The following SLC38A11 variants were observed in gnomAD, a reference collection of about 807,000 sequenced individuals.
The protein encoded by SLC38A11 is solute carrier family 38 member 11.
SLC38A11 carries 51 observed loss-of-function variants against 49.4 expected under a neutral mutation model. The observed-to-expected ratio is 1.03, with a 90% CI of 0.83 to 1.30. The LOEUF (loss-of-function observed/expected upper bound fraction) is 1.30, where lower values mean the gene tolerates loss of function less well. Among genes scored for constraint, SLC38A11 ranks in the 50% most tolerant of loss-of-function variants. The pLI is 0.00. For synonymous variants in SLC38A11, 203 were observed against 192.9 expected (o/e 1.05, Z -0.43); for missense variants, 574 against 556.2 (o/e 1.03, Z -0.32).
intron 2 of SLC38A11, 61 bp from the exon 3 acceptor site, chr2:164,952,842 T>C: frequency 7.9e-7 from 1 of 1,269,656 alleles, no homozygotes; most frequent in Non-Finnish European, 1.1e-6. Flanking sequence ...ACACAGAAAT[T>C]CCCCCCTTCA....
chr2:164,942,759 G>A lies in SLC38A11; in HGVS notation c.430+1810C>T, dbSNP rs540906173. On this transcript the variant is annotated intron_variant, in intron 5 of 11. Coordinates refer to ENST00000685975, the MANE Select transcript of SLC38A11 (RefSeq NM_001351537.2). The stretch of plus-strand genomic sequence containing the variant: ...GGCACAGAAGCTACAGACAGTTCGG[G>A]GTAACAATAATAATAGCTAATAGTA... Among the ~76,000 whole-genome samples, 8 of 152,230 alleles carry A rather than the reference G, an allele frequency of 5.3e-5. No homozygotes were observed. The East Asian group carries it at 1.4e-3, about 26-fold the overall frequency.
Position 164,898,715 on chromosome 2 carries a change from T to G in SLC38A11, c.1111A>C (p.Thr371Pro). 6.2e-7 allele frequency: 1 copy of G among 1,612,738 alleles called. No homozygotes were observed. Among genetic ancestry groups the G allele is most frequent in the Non-Finnish European group, 8.5e-7 (1 of 1,179,362 alleles). The change falls in exon 12 of 12, where the codon ACT (threonine) becomes CCT (proline). Residue 371 changes from threonine to proline, a missense_variant. Transcript: ENST00000685975. ...GATGGAATGATAAAAATGAGGGGAG[T>G]TGCACAGAGCACACCCTGCATGTTG... is the stretch of plus-strand genomic sequence containing the variant. ...VLELNGVLCA[T>P]PLIFIIPSAC...
chr2:164,951,391 A>G (rs1298013494), intron 3 of SLC38A11, among the ~76,000 whole-genome samples: 2 of 152,112 alleles, frequency 1.3e-5, no homozygotes, highest in Non-Finnish European at 2.9e-5. Context: ...AAATGCCCCA[A>G]TAAGTAGACT....
chr2:164,906,203 T>C (rs1394592211), intron 11 of SLC38A11, among the ~76,000 whole-genome samples: 2 of 152,148 alleles, frequency 1.3e-5, no homozygotes, highest in Non-Finnish European at 2.9e-5. Flanking sequence ...ACAAACAAAT[T>C]TGTGGACTCA....
intron 7 of SLC38A11, among the ~76,000 whole-genome samples, chr2:164,920,791 A>G (rs922512495): frequency 6.6e-6 from 1 of 152,178 alleles, no homozygotes; most frequent in Non-Finnish European, 1.5e-5. Context: ...AAAAGGAGGT[A>G]AAAGGAAGTC....
chr2:164,946,254 C>G (rs947368636), intron 3 of SLC38A11, among the ~76,000 whole-genome samples: 1 of 151,740 alleles, frequency 6.6e-6, no homozygotes, highest in African/African-American at 2.4e-5. Flanking sequence ...AAGAGACACT[C>G]TATGAAATTT....
Position 164,919,853 on chromosome 2 carries a change from G to A in SLC38A11, c.618-3880C>T, listed in dbSNP as rs373545432. Among the ~76,000 whole-genome samples the A allele has an allele frequency of 3.9e-5, 6 of 152,138 alleles. No individual in the cohort carries two copies. In the East Asian group the frequency reaches 7.7e-4, roughly 20 times the overall value. ...ACATGCAGAAGCTGTGAATACAGAG[G>A]GCCATGATCAAGAAATAGTATACAG... is the stretch of plus-strand genomic sequence containing the variant. On this transcript the variant is annotated intron_variant, in intron 7 of 11. Coordinates refer to ENST00000685975, the MANE Select transcript of SLC38A11 (RefSeq NM_001351537.2).
Position 164,954,677 on chromosome 2 carries a change from A to C in SLC38A11, c.108T>G (p.Ala36=). ...TCGAGTTGACAACATTAAAAAGAGC[A>C]GCAGACTGACAGGTTTTCTCTTTAT... The part of the protein sequence containing the change: ...HEYKEKTCQS[A]ALFNVVNSII... Residue 36 remains alanine, a synonymous_variant, in exon 2 of 12, where the codon GCT becomes GCG. Transcript: ENST00000685975. The C allele has an allele frequency of 6.5e-7, 1 of 1,544,162 alleles. No homozygotes were observed. Among genetic ancestry groups the C allele is most frequent in the East Asian group, 2.5e-5 (1 of 40,790 alleles).
chr2:164,947,603 G>A (rs1688225319), intron 3 of SLC38A11, among the ~76,000 whole-genome samples: 2 of 152,008 alleles, frequency 1.3e-5, no homozygotes, highest in South Asian at 4.1e-4. Context: ...AGATCTCATA[G>A]GCATCTTAAT....
chr2:164,954,890 G>T (rs1688747762), intron 1 of SLC38A11, 145 bp from the exon 2 acceptor site: 1 of 571,066 alleles, frequency 1.8e-6, no homozygotes, highest in East Asian at 2.8e-5. Context: ...CGGGATAACA[G>T]TAATAAAGAA....
intron 3 of SLC38A11, 118 bp from the exon 4 acceptor site, chr2:164,945,845 G>T: frequency 5.7e-6 from 6 of 1,044,160 alleles, no homozygotes; most frequent in Non-Finnish European, 8.4e-6. Context: ...ATTTAATGCT[G>T]CAGTATTAGC....
chr2:164,903,170 T>G (rs1684771643), intron 11 of SLC38A11, among the ~76,000 whole-genome samples: 2 of 137,338 alleles, frequency 1.5e-5, no homozygotes, highest in Admixed American at 1.6e-4. Context: ...CAACAAACAG[T>G]AATTCAAATA....
chr2:164,923,200 C>CAACAAA lies in SLC38A11; in HGVS notation c.618-7233_618-7228dup, dbSNP rs564466112. ...ATGGCTAAGGCCTCAAAAGCAATCA[C>CAACAAA]AACAAAAACAAAGACTGACAAGTGG... On this transcript the variant is annotated intron_variant, in intron 7 of 11. Coordinates refer to ENST00000685975, the MANE Select transcript of SLC38A11 (RefSeq NM_001351537.2). Among the ~76,000 whole-genome samples the CAACAAA allele has an allele frequency of 1.7e-3, 254 of 152,262 alleles. 3 individuals carry two copies. Among genetic ancestry groups the CAACAAA allele is most frequent in the African/African-American group, 5.7e-3 (238 of 41,554 alleles).
At chr2:164,908,580 T>C (rs1685179477) in intron 11 of SLC38A11, 60 bp downstream of exon 11, 2 of 1,400,164 alleles carry the variant, frequency 1.4e-6, no homozygotes, top group East Asian at 5.1e-5. Flanking sequence ...ATGTTAAATG[T>C]AATCATTATC....
chr2:164,914,295 GACTACTAC>G (rs1481876513), intron 9 of SLC38A11, among the ~76,000 whole-genome samples: 1 of 135,622 alleles, frequency 7.4e-6, no homozygotes, highest in East Asian at 1.9e-4. Context: ...GGACTGCCCT[GACTACTAC>G]ACTACACTGA....
intron 10 of SLC38A11, among the ~76,000 whole-genome samples, chr2:164,910,533 G>A (rs1685329056): frequency 6.6e-6 from 1 of 152,126 alleles, no homozygotes; most frequent in African/African-American, 2.4e-5. Flanking sequence ...ACATGTGTGA[G>A]GGAGAGAAGT....
intron 7 of SLC38A11, among the ~76,000 whole-genome samples, chr2:164,921,119 C>A (rs549681259): frequency 1.3e-5 from 2 of 152,044 alleles, no homozygotes; most frequent in Non-Finnish European, 2.9e-5. Context: ...CTTGAGAGAG[C>A]TAAATCTTCA....
In SLC38A11 at chr2:164,915,134, C is replaced by T. The variant is rs1685682985; in HGVS notation, c.828G>A (p.Leu276=). 2.5e-6 allele frequency: 4 copies of T among 1,608,196 alleles called. No individual in the cohort carries two copies. Among genetic ancestry groups the T allele is most frequent in the Non-Finnish European group, 3.4e-6 (4 of 1,177,676 alleles). ...ICIFFATCGY[L]TFTGFTQGDL... is the part of the protein sequence containing the mutation. ...TACCTTGGGTGAAGCCAGTAAATGT[C>T]AAGTATCCACATGTAGCAAAGAATA... The change falls in exon 9 of 12, where the codon TTG becomes TTA. Residue 276 remains leucine, a synonymous_variant. Transcript: ENST00000685975.
chr2:164,898,286 C>T lies in SLC38A11; in HGVS notation c.*151G>A. On this transcript the variant is annotated 3_prime_UTR_variant, in exon 12 of 12. Coordinates refer to ENST00000685975, the MANE Select transcript of SLC38A11 (RefSeq NM_001351537.2). The stretch of plus-strand genomic sequence containing the variant: ...GTGAAATACATTCAATTTTTCTTTT[C>T]TTTATCTTTTATATTGCACTACTCA... 2 of 603,946 alleles carry T rather than the reference C, an allele frequency of 3.3e-6. No individual in the cohort carries two copies. The highest frequency in any genetic ancestry group is 2.9e-5 in the East Asian group (1 of 34,746). 37.4% of individuals were successfully genotyped at this position (603,946 alleles called of 1,614,324 possible).
Sources: gnomAD v4.1 joint callset for allele counts (sites outside exome capture counted in the v4.1 genomes callset) on GRCh38, gnomAD v4.1.1 for gene constraint, MANE v1.5 for transcripts, NCBI Gene and HGNC (gene_info 2026-07-23, HGNC 2026-07-21) for gene names.